NKAIN3: variants seen among roughly 807,000 people sequenced by gnomAD.
NKAIN3 encodes the protein sodium/potassium-transporting ATPase subunit beta-1-interacting protein 3.
In NKAIN3, 25 loss-of-function variants were observed where a neutral mutation model predicts 30.2. That is an observed-to-expected ratio of 0.83 (90% CI 0.60 to 1.16). The LOEUF (loss-of-function observed/expected upper bound fraction) is 1.16. Ranked by LOEUF, NKAIN3 falls within the 50% of genes most tolerant of loss-of-function variation. The pLI, the probability that NKAIN3 is intolerant of heterozygous loss-of-function variation, is 0.00. For synonymous variants in NKAIN3, 91 were observed against 89.6 expected, an observed-to-expected ratio of 1.02 and a Z score of -0.09; for missense variants, 225 against 254.1, an observed-to-expected ratio of 0.89 and a Z score of 0.78.
At chr8:62,828,366 T>C (rs1344768561) in intron 4 of NKAIN3, among the ~76,000 whole-genome samples, 1 of 152,128 alleles carries the variant, frequency 6.6e-6, no homozygotes, top group African/African-American at 2.4e-5. Flanking sequence ...TTAAAATTCA[T>C]AGAACTGCAA....
At chr8:62,455,240 C>T (rs1446397586) in intron 1 of NKAIN3, among the ~76,000 whole-genome samples, 1 of 152,180 alleles carries the variant, frequency 6.6e-6, no homozygotes, top group Non-Finnish European at 1.5e-5. Flanking sequence ...ATTTGTCTGT[C>T]AAAGTACTAT....
At chr8:62,821,471 A>G (rs1818846139) in intron 4 of NKAIN3, among the ~76,000 whole-genome samples, 1 of 152,162 alleles carries the variant, frequency 6.6e-6, no homozygotes, top group Non-Finnish European at 1.5e-5. Context: ...GAGCAGTTGA[A>G]TACTGGCTGG....
intron 1 of NKAIN3, among the ~76,000 whole-genome samples, chr8:62,443,453 G>T (rs1486501949): frequency 6.6e-6 from 1 of 151,828 alleles, no homozygotes; most frequent in Admixed American, 6.6e-5. Context: ...GCACAATCTC[G>T]GCTCACTGCA....
At chr8:62,748,659 A>G (rs1816166626) in intron 4 of NKAIN3, among the ~76,000 whole-genome samples, 1 of 152,228 alleles carries the variant, frequency 6.6e-6, no homozygotes, top group African/African-American at 2.4e-5. Flanking sequence ...TTGAATTACA[A>G]TCTTCTAGAA....
At chr8:62,861,413 C>A (rs764472326) in intron 4 of NKAIN3, among the ~76,000 whole-genome samples, 3 of 152,162 alleles carry the variant, frequency 2.0e-5, no homozygotes, top group Non-Finnish European at 4.4e-5. Flanking sequence ...CTGCATACTA[C>A]CTAGTCCCTC....
intron 4 of NKAIN3, among the ~76,000 whole-genome samples, chr8:62,870,887 C>A (rs1820620511): frequency 2.4e-5 from 1 of 41,452 alleles, no homozygotes; most frequent in Non-Finnish European, 5.3e-5. Context: ...CTAAATGAAG[C>A]CGTCTTACTG....
chr8:62,445,500 A>T (rs1167038214), intron 1 of NKAIN3, among the ~76,000 whole-genome samples: 1 of 152,140 alleles, frequency 6.6e-6, no homozygotes, highest in African/African-American at 2.4e-5. Flanking sequence ...CTTTGAACCT[A>T]ATCAATTTGG....
chr8:62,834,044 T>C (rs1270929440), intron 4 of NKAIN3, among the ~76,000 whole-genome samples: 2 of 152,104 alleles, frequency 1.3e-5, no homozygotes, highest in African/African-American at 4.8e-5. Flanking sequence ...GTAAATGTGA[T>C]TTACCACATA....
intron 1 of NKAIN3, among the ~76,000 whole-genome samples, chr8:62,262,044 G>T (rs1448092505): frequency 6.6e-6 from 1 of 152,098 alleles, no homozygotes; most frequent in Non-Finnish European, 1.5e-5. Flanking sequence ...TTAAAAAAAA[G>T]AGTCACTCTT....
chr8:62,820,088 A>G (rs1046422126), intron 4 of NKAIN3, among the ~76,000 whole-genome samples: 1 of 152,162 alleles, frequency 6.6e-6, no homozygotes, highest in Non-Finnish European at 1.5e-5. Context: ...TAGGAACCAC[A>G]TGACTAATAG....
intron 1 of NKAIN3, among the ~76,000 whole-genome samples, chr8:62,507,828 C>T (rs1464099457): frequency 1.3e-5 from 2 of 152,144 alleles, no homozygotes; most frequent in Non-Finnish European, 2.9e-5. Context: ...AGGCCACCAA[C>T]AGAGTAAGGG....
At chr8:62,582,942 C>A (rs916640804) in intron 2 of NKAIN3, among the ~76,000 whole-genome samples, 3 of 152,160 alleles carry the variant, frequency 2.0e-5, no homozygotes, top group African/African-American at 7.2e-5. Flanking sequence ...GCACCTGCCT[C>A]ACCAGCCTCA....
intron 4 of NKAIN3, among the ~76,000 whole-genome samples, chr8:62,853,283 C>CT (rs1397010266): frequency 6.6e-6 from 1 of 151,974 alleles, no homozygotes; most frequent in Admixed American, 6.6e-5. Context: ...CAACCCCTGC[C>CT]TTCTTTTGTT....
In NKAIN3 at chr8:62,864,124, A is replaced by T. The variant is rs528547221; in HGVS notation, c.472-54329A>T. 396 of 627,106 alleles carry T rather than the reference A, an allele frequency of 6.3e-4. 3 individuals carry two copies. Among genetic ancestry groups the T allele is most frequent in the African/African-American group, 6.2e-3 (335 of 54,226 alleles). 38.8% of individuals were successfully genotyped at this position (627,106 alleles called of 1,614,324 possible). ...GGGCTACAGGGGCTTCGCGGAGGTG[A>T]TGGCGACGCGAGCGCGGAAACCAGC... is the stretch of plus-strand genomic sequence containing the variant. On this transcript the variant is annotated intron_variant, in intron 4 of 6. Coordinates refer to ENST00000623646, the MANE Select transcript of NKAIN3 (RefSeq NM_001304533.3).
At chr8:62,396,707 A>C (rs1487753725) in intron 1 of NKAIN3, among the ~76,000 whole-genome samples, 1 of 152,216 alleles carries the variant, frequency 6.6e-6, no homozygotes, top group African/African-American at 2.4e-5. Context: ...CAAAATTTAC[A>C]CTTTACTCCT....
At chr8:62,745,103 C>G (rs896369987) in intron 3 of NKAIN3, among the ~76,000 whole-genome samples, 3 of 152,162 alleles carry the variant, frequency 2.0e-5, no homozygotes, top group African/African-American at 7.2e-5. Flanking sequence ...AGAGCTCCAC[C>G]CTGATTACTT....
chr8:62,287,116 G>A (rs965123635), intron 1 of NKAIN3, among the ~76,000 whole-genome samples: 1 of 150,096 alleles, frequency 6.7e-6, no homozygotes, highest in African/African-American at 2.4e-5. Context: ...ATCAGGGCAT[G>A]GATATAAAGG....
chr8:62,784,494 CT>C (rs1817455644), intron 4 of NKAIN3, among the ~76,000 whole-genome samples: 1 of 151,798 alleles, frequency 6.6e-6, no homozygotes, highest in Non-Finnish European at 1.5e-5. Context: ...TAAGATAATA[CT>C]ATGAGCAACT....
intron 4 of NKAIN3, among the ~76,000 whole-genome samples, chr8:62,880,529 T>C (rs1011851999): frequency 2.0e-5 from 3 of 152,218 alleles, no homozygotes; most frequent in African/African-American, 7.2e-5. Flanking sequence ...TGAGAAGAGA[T>C]AGAGGACCAC....
Sources: allele counts gnomAD v4.1 joint callset (sites outside exome capture counted in the v4.1 genomes callset), GRCh38; gene constraint gnomAD v4.1.1; transcripts MANE v1.5; gene names NCBI Gene and HGNC (gene_info 2026-07-23, HGNC 2026-07-21).